Variants in MYRIP observed in about 807,000 individuals in gnomAD.
MYRIP encodes the protein rab effector MyRIP.
MYRIP carries 49 observed loss-of-function variants against 98.0 expected under a neutral mutation model. The observed-to-expected ratio is 0.50, with a 90% CI of 0.40 to 0.63. The LOEUF (loss-of-function observed/expected upper bound fraction) is 0.63, where lower values mean the gene tolerates loss of function less well. Ranked by LOEUF, MYRIP falls within the 30% of genes least tolerant of loss-of-function variation. MYRIP has a pLI of 0.00. For synonymous variants in MYRIP, 404 were observed against 409.5 expected (o/e 0.99, Z 0.16); for missense variants, 1,004 against 1,058.2 (o/e 0.95, Z 0.71).
chr3:40,198,120 G>A (rs947850152), intron 10 of MYRIP, among the ~76,000 whole-genome samples: 1 of 152,116 alleles, frequency 6.6e-6, no homozygotes, highest in Non-Finnish European at 1.5e-5. Flanking sequence ...ACACCTCCCA[G>A]GATGCAACAT....
At chr3:40,087,787 G>C (rs1293303147) in intron 3 of MYRIP, among the ~76,000 whole-genome samples, 1 of 152,208 alleles carries the variant, frequency 6.6e-6, no homozygotes, top group Non-Finnish European at 1.5e-5. Flanking sequence ...TGACTGGGTG[G>C]AGTGGGGTGG....
chr3:40,005,121 T>C lies in MYRIP; in HGVS notation c.111-38929T>C, dbSNP rs146692216. On this transcript the variant is annotated intron_variant, in intron 2 of 16. Coordinates refer to ENST00000302541, the MANE Select transcript of MYRIP (RefSeq NM_015460.4). ...AGGAAGTGATTTAATTCCTTTTTTATGGCTGAATAGTATTCTGTGGTGTTT... is the reference window on the plus strand; with the variant it reads ...AGGAAGTGATTTAATTCCTTTTTTACGGCTGAATAGTATTCTGTGGTGTTT... Among the ~76,000 whole-genome samples the C allele has an allele frequency of 1.6e-3, 240 of 152,378 alleles. 2 individuals carry two copies. The highest frequency in any genetic ancestry group is 5.6e-3 in the African/African-American group (233 of 41,590).
intron 3 of MYRIP, among the ~76,000 whole-genome samples, chr3:40,149,162 G>T (rs147552766): frequency 1.3e-5 from 2 of 152,338 alleles, no homozygotes; most frequent in African/African-American, 2.4e-5. Flanking sequence ...TTACAAGAAG[G>T]TGCCAGCATC....
intron 2 of MYRIP, among the ~76,000 whole-genome samples, chr3:39,918,298 T>C (rs1944217872): frequency 6.6e-6 from 1 of 152,198 alleles, no homozygotes; most frequent in South Asian, 2.1e-4. Context: ...TTAATCATAT[T>C]TTCTAACTCT....
chr3:39,958,808 A>T (rs979954884), intron 2 of MYRIP, among the ~76,000 whole-genome samples: 20 of 152,374 alleles, frequency 1.3e-4, no homozygotes, highest in Admixed American at 1.1e-3. Context: ...TCCAGAATCT[A>T]CAAAGAACTT....
chr3:40,078,139 C>A (rs962256022), intron 3 of MYRIP, among the ~76,000 whole-genome samples: 1 of 152,248 alleles, frequency 6.6e-6, no homozygotes, highest in Non-Finnish European at 1.5e-5. Context: ...TGCTGGGGGA[C>A]CCAGTACACC....
At chr3:40,172,945 C>T (rs534652702) in intron 8 of MYRIP, among the ~76,000 whole-genome samples, 1 of 152,176 alleles carries the variant, frequency 6.6e-6, no homozygotes, top group Non-Finnish European at 1.5e-5. Context: ...ACTAAAGAGA[C>T]CTCACCCCCC....
In MYRIP at chr3:40,252,030, G is replaced by A. The variant is rs200481616; in HGVS notation, c.2547+31G>A. 18 of 1,499,474 alleles carry A rather than the reference G, an allele frequency of 1.2e-5. No homozygotes were observed. The East Asian group carries it at 2.3e-4, about 19-fold the overall frequency. 92.9% of individuals were successfully genotyped at this position (1,499,474 alleles called of 1,614,324 possible). ...TGTCATCTCTGTCTTAATGTTCAAC[G>A]CTTTCACTGTTGATGGTACCTCCAC... is the stretch of plus-strand genomic sequence containing the variant. On this transcript the variant is annotated intron_variant, in intron 16 of 16. Coordinates refer to ENST00000302541, the MANE Select transcript of MYRIP (RefSeq NM_015460.4).
intron 3 of MYRIP, among the ~76,000 whole-genome samples, chr3:40,090,382 G>A (rs1331746572): frequency 6.6e-6 from 1 of 152,126 alleles, no homozygotes; most frequent in East Asian, 1.9e-4. Context: ...AGACAGTTGG[G>A]GAAAAGAGGA....
chr3:40,166,760 C>T (rs1575590697), intron 5 of MYRIP, 86 bp from the exon 6 acceptor site: 7 of 939,840 alleles, frequency 7.4e-6, no homozygotes, highest in East Asian at 4.8e-5. Flanking sequence ...CCCAGAGCCC[C>T]TGAAGAATTT....
chr3:39,923,551 C>T (rs1456571287), intron 2 of MYRIP, among the ~76,000 whole-genome samples: 3 of 151,968 alleles, frequency 2.0e-5, no homozygotes, highest in African/African-American at 7.2e-5. Flanking sequence ...ACTCAGAATC[C>T]TATATTTTGT....
chr3:40,089,471 G>A (rs1036852020), intron 3 of MYRIP, among the ~76,000 whole-genome samples: 4 of 152,108 alleles, frequency 2.6e-5, no homozygotes, highest in Admixed American at 6.5e-5. Flanking sequence ...TAAGCTTGGC[G>A]GCTTTCCATG....
At chr3:40,101,652 A>T (rs1244314626) in intron 3 of MYRIP, among the ~76,000 whole-genome samples, 1 of 151,970 alleles carries the variant, frequency 6.6e-6, no homozygotes, top group African/African-American at 2.4e-5. Flanking sequence ...AATCCTATCA[A>T]GTGTTTAATT....
At chr3:39,987,964 G>A (rs1946074243) in intron 2 of MYRIP, among the ~76,000 whole-genome samples, 1 of 152,176 alleles carries the variant, frequency 6.6e-6, no homozygotes, top group African/African-American at 2.4e-5. Context: ...TATACACCAT[G>A]GAATACTATG....
At chr3:40,049,292 T>C (rs1311088532) in intron 3 of MYRIP, among the ~76,000 whole-genome samples, 1 of 152,170 alleles carries the variant, frequency 6.6e-6, no homozygotes, top group African/African-American at 2.4e-5. Context: ...GGCCACTTTT[T>C]CCGATAGCAT....
chr3:40,135,992 A>C (rs536003411), intron 3 of MYRIP, among the ~76,000 whole-genome samples: 29 of 152,276 alleles, frequency 1.9e-4, no homozygotes, highest in East Asian at 3.9e-4. Flanking sequence ...GCAAAATAAC[A>C]AGCTAACATC....
At chr3:39,921,947 G>A (rs1037273237) in intron 2 of MYRIP, among the ~76,000 whole-genome samples, 1 of 149,092 alleles carries the variant, frequency 6.7e-6, no homozygotes, top group Admixed American at 6.7e-5. Context: ...AGATGGATTA[G>A]ATGTACTTTT....
intron 12 of MYRIP, among the ~76,000 whole-genome samples, chr3:40,243,094 C>G (rs909822781): frequency 6.6e-6 from 1 of 152,008 alleles, no homozygotes; most frequent in African/African-American, 2.4e-5. Context: ...AAATATAAAA[C>G]AAAAGATAAA....
At chr3:39,973,279 C>A (rs561553384) in intron 2 of MYRIP, among the ~76,000 whole-genome samples, 1 of 152,098 alleles carries the variant, frequency 6.6e-6, no homozygotes, top group Non-Finnish European at 1.5e-5. Flanking sequence ...AGACTTTAAA[C>A]CAACAAAGAT....
Sources: gnomAD v4.1 joint callset for allele counts (sites outside exome capture counted in the v4.1 genomes callset) on GRCh38, gnomAD v4.1.1 for gene constraint, MANE v1.5 for transcripts, NCBI Gene and HGNC (gene_info 2026-07-23, HGNC 2026-07-21) for gene names.